DACH1: variants seen among roughly 807,000 people sequenced by gnomAD.
The protein encoded by DACH1 is dachshund homolog 1.
Under a neutral mutation model 54.2 loss-of-function variants are expected in DACH1, and 12 were observed. The observed-to-expected ratio is 0.22, with a 90% CI of 0.14 to 0.36. The LOEUF is 0.36. Among genes scored for constraint, DACH1 ranks in the 10% least tolerant of loss-of-function variants. The pLI, the probability that DACH1 is intolerant of heterozygous loss-of-function variation, is 1.00. For missense variants in DACH1, 805 were observed against 929.8 expected (o/e 0.87, Z 1.75); for synonymous variants, 386 against 366.2 (o/e 1.05, Z -0.62).
At position 71,440,532 on chromosome 13, in the gene DACH1, C is replaced by T. The variant is rs1873921585; in HGVS notation, c.*123G>A. On this transcript the variant is annotated 3_prime_UTR_variant, in exon 11 of 11. Coordinates refer to ENST00000613252, the MANE Select transcript of DACH1 (RefSeq NM_080759.6). Reference sequence around the variant, plus strand: ...GTAGAATACTTAAACTTTTAAAGAACATTAATACACAAAATTCAGGAAGTT... The same window carrying T: ...GTAGAATACTTAAACTTTTAAAGAATATTAATACACAAAATTCAGGAAGTT... 1.5e-6 allele frequency: 1 copy of T among 664,388 alleles called. No individual in the cohort carries two copies. Among genetic ancestry groups the T allele is most frequent in the African/African-American group, 2.0e-5 (1 of 50,792 alleles). The allele number at this position is 664,388 out of a possible 1,614,324, so 41.2% of individuals were successfully genotyped here.
chr13:71,562,160 C>T (rs1053015951), intron 4 of DACH1, among the ~76,000 whole-genome samples: 2 of 152,040 alleles, frequency 1.3e-5, no homozygotes, highest in Non-Finnish European at 2.9e-5. Flanking sequence ...AATAAACTCC[C>T]ACAGAAGGCA....
At chr13:71,815,882 G>A (rs1274439518) in intron 1 of DACH1, among the ~76,000 whole-genome samples, 1 of 151,862 alleles carries the variant, frequency 6.6e-6, no homozygotes, top group Non-Finnish European at 1.5e-5. Context: ...TCAGGAGATC[G>A]AGACCATCCT....
intron 1 of DACH1, among the ~76,000 whole-genome samples, chr13:71,826,604 T>G (rs2138195812): frequency 6.6e-6 from 1 of 152,252 alleles, no homozygotes; most frequent in African/African-American, 2.4e-5. Flanking sequence ...GGCATGTAGT[T>G]GTGTATACAT....
Position 71,865,913 on chromosome 13 carries a change from C to A in DACH1, c.848+9G>T. On this transcript the variant is annotated intron_variant, in intron 1 of 10. Coordinates refer to ENST00000613252, the MANE Select transcript of DACH1 (RefSeq NM_080759.6). ...GCGCGGGCGGCGGGGGCTATCCCCC[C>A]CGACTCACCTTGCGTTGGTGCAGTC... is the stretch of plus-strand genomic sequence containing the variant. The A allele has an allele frequency of 6.3e-7, 1 of 1,594,406 alleles. No homozygotes were observed. The highest frequency in any genetic ancestry group is 1.7e-5 in the Admixed American group (1 of 58,400).
intron 1 of DACH1, among the ~76,000 whole-genome samples, chr13:71,771,285 C>T (rs1378144101): frequency 1.3e-5 from 2 of 149,394 alleles, no homozygotes; most frequent in Non-Finnish European, 3.0e-5. Flanking sequence ...TGAAGAAGAA[C>T]ACCACCAGCA....
intron 6 of DACH1, among the ~76,000 whole-genome samples, chr13:71,506,558 C>A (rs1880342147): frequency 6.6e-6 from 1 of 151,538 alleles, no homozygotes; most frequent in Non-Finnish European, 1.5e-5. Flanking sequence ...TGGGTTGGTT[C>A]CAAGTTCATA....
At chr13:71,749,573 T>C (rs1395001477) in intron 1 of DACH1, among the ~76,000 whole-genome samples, 1 of 152,168 alleles carries the variant, frequency 6.6e-6, no homozygotes, top group Non-Finnish European at 1.5e-5. Flanking sequence ...TTATTATTAC[T>C]AATATTTTGA....
At chr13:71,448,505 A>T (rs1048287007) in intron 10 of DACH1, among the ~76,000 whole-genome samples, 3 of 152,216 alleles carry the variant, frequency 2.0e-5, no homozygotes, top group Non-Finnish European at 4.4e-5. Flanking sequence ...TAAAACCCCC[A>T]AAGGAAGAAG....
At chr13:71,600,303 C>T in intron 3 of DACH1, among the ~76,000 whole-genome samples, 1 of 152,170 alleles carries the variant, frequency 6.6e-6, no homozygotes, top group East Asian at 1.9e-4. Context: ...TATATTCATT[C>T]AGAAATAATG....
At chr13:71,821,142 G>T (rs1888169857) in intron 1 of DACH1, among the ~76,000 whole-genome samples, 2 of 152,084 alleles carry the variant, frequency 1.3e-5, no homozygotes, top group East Asian at 3.9e-4. Flanking sequence ...CATTCAACAG[G>T]GCTTGCCTAC....
chr13:71,488,170 G>T (rs187241641), intron 7 of DACH1, among the ~76,000 whole-genome samples: 141 of 152,192 alleles, frequency 9.3e-4, no homozygotes, highest in Non-Finnish European at 1.6e-3. Flanking sequence ...TACTGAGGAT[G>T]GAATGTTAGA....
intron 1 of DACH1, among the ~76,000 whole-genome samples, chr13:71,720,362 C>CA (rs756029383): frequency 1.4e-4 from 22 of 152,118 alleles, no homozygotes; most frequent in Admixed American, 1.0e-3. Context: ...TTGCTGTTCA[C>CA]AGCACATTTT....
At chr13:71,643,231 AG>A (rs891876779) in intron 2 of DACH1, among the ~76,000 whole-genome samples, 13 of 152,152 alleles carry the variant, frequency 8.5e-5, no homozygotes, top group African/African-American at 3.1e-4. Context: ...TGCATTTATT[AG>A]ATTTCATAAT....
intron 2 of DACH1, among the ~76,000 whole-genome samples, chr13:71,632,783 A>G (rs1306784687): frequency 6.6e-6 from 1 of 152,168 alleles, no homozygotes; most frequent in East Asian, 1.9e-4. Context: ...CTTAAAAGGC[A>G]CTAATCTAAA....
At position 71,475,226 on chromosome 13, in the gene DACH1, G is replaced by T. The variant is rs1198060325; in HGVS notation, c.2015-17C>A. On this transcript the variant is annotated splice_polypyrimidine_tract_variant and intron_variant, in intron 9 of 10. Transcript: ENST00000613252. ...TCAGAGAGTCTAAAAGCACAGAAAG[G>T]TAAGAGTGACACATATTTCATTTGA... 1 of 1,608,358 alleles carries T rather than the reference G, an allele frequency of 6.2e-7. No individual in the cohort carries two copies. Among genetic ancestry groups the T allele is most frequent in the Admixed American group, 1.7e-5 (1 of 59,910 alleles).
chr13:71,776,871 CTCATCTGACTTG>C (rs1332696087), intron 1 of DACH1, among the ~76,000 whole-genome samples: 1 of 152,082 alleles, frequency 6.6e-6, no homozygotes, highest in Non-Finnish European at 1.5e-5. Flanking sequence ...CAAGTGACTT[CTCATCTGACTTG>C]ATCTCTACAA....
chr13:71,778,245 C>A (rs572807454), intron 1 of DACH1, among the ~76,000 whole-genome samples: 1 of 152,008 alleles, frequency 6.6e-6, no homozygotes, highest in Non-Finnish European at 1.5e-5. Flanking sequence ...ACAACTCAGT[C>A]GGTGATATTC....
chr13:71,511,705 T>C lies in DACH1; in HGVS notation c.1571-22557A>G, dbSNP rs558332542. Among the ~76,000 whole-genome samples the C allele has an allele frequency of 2.6e-5, 4 of 152,070 alleles. No individual in the cohort carries two copies. The South Asian group carries it at 8.3e-4, about 31-fold the overall frequency. ...AATGGAAAAAGGAAAGGAACAAACC[T>C]TACTAGCCTCTTAGGTATGGAACTA... is the stretch of plus-strand genomic sequence containing the variant. On this transcript the variant is annotated intron_variant, in intron 6 of 10. Coordinates refer to ENST00000613252, the MANE Select transcript of DACH1 (RefSeq NM_080759.6).
intron 1 of DACH1, among the ~76,000 whole-genome samples, chr13:71,748,909 T>TC (rs1491169868): frequency 5.8e-4 from 19 of 33,010 alleles, no homozygotes; most frequent in African/African-American, 1.2e-3. Flanking sequence ...TCTTTCTTTC[T>TC]TTCTTTCTTT....
Sources: gnomAD v4.1 joint callset for allele counts (sites outside exome capture counted in the v4.1 genomes callset) on GRCh38, gnomAD v4.1.1 for gene constraint, MANE v1.5 for transcripts, NCBI Gene and HGNC (gene_info 2026-07-23, HGNC 2026-07-21) for gene names.